The following CTNNA2 variants were observed in gnomAD, a reference collection of about 807,000 sequenced individuals.
CTNNA2 encodes the protein catenin alpha-2.
CTNNA2 carries 42 observed loss-of-function variants against 101.0 expected under a neutral mutation model. The observed-to-expected ratio is 0.42, with a 90% CI of 0.32 to 0.54. CTNNA2 has a LOEUF of 0.54. CTNNA2 is among the 20% of genes least tolerant of loss of function. The probability of loss-of-function intolerance (pLI) is 0.14; values close to 1 mark genes in which losing one functional copy is unlikely to be tolerated. For missense variants in CTNNA2, 871 were observed against 1,223.1 expected, an observed-to-expected ratio of 0.71 and a Z score of 4.29; for synonymous variants, 450 against 456.4, an observed-to-expected ratio of 0.99 and a Z score of 0.18.
chr2:79,258,065 C>T (rs147950085), intron 2 of CTNNA2, among the ~76,000 whole-genome samples: 170 of 152,268 alleles, frequency 1.1e-3, no homozygotes, highest in African/African-American at 3.9e-3. Context: ...CACACTACTC[C>T]AGTATTAATG....
At chr2:79,739,792 A>G (rs1265760309) in intron 2 of CTNNA2, among the ~76,000 whole-genome samples, 2 of 152,246 alleles carry the variant, frequency 1.3e-5, no homozygotes, top group Admixed American at 6.5e-5. Context: ...CCTTTAGATC[A>G]AAATGTGTTC....
intron 5 of CTNNA2, among the ~76,000 whole-genome samples, chr2:79,870,389 A>T (rs1475908856): frequency 6.6e-6 from 1 of 151,946 alleles, no homozygotes; most frequent in Non-Finnish European, 1.5e-5. Context: ...GAAAGAGAAG[A>T]AGAAAACATG....
chr2:80,371,912 T>C (rs1174033242), intron 7 of CTNNA2, among the ~76,000 whole-genome samples: 1 of 152,174 alleles, frequency 6.6e-6, no homozygotes, highest in Admixed American at 6.5e-5. Flanking sequence ...GACTTGATTT[T>C]CACAGAGTGA....
At chr2:79,320,693 G>A (rs562627304) in intron 3 of CTNNA2, among the ~76,000 whole-genome samples, 1 of 152,262 alleles carries the variant, frequency 6.6e-6, no homozygotes, top group East Asian at 1.9e-4. Flanking sequence ...GCTTTGCGCA[G>A]AGGAACTGTG....
At chr2:79,527,474 C>CAAAA (rs58822666) in intron 1 of CTNNA2, among the ~76,000 whole-genome samples, 66 of 85,180 alleles carry the variant, frequency 7.7e-4, no homozygotes, top group East Asian at 3.8e-3. Flanking sequence ...ACTAAAAATA[C>CAAAA]AAAAAAAAAA....
chr2:80,117,990 G>A (rs908715595), intron 7 of CTNNA2, among the ~76,000 whole-genome samples: 1 of 152,158 alleles, frequency 6.6e-6, no homozygotes, highest in Non-Finnish European at 1.5e-5. Flanking sequence ...CGGGAAGGTT[G>A]TTACATAGTC....
intron 12 of CTNNA2, among the ~76,000 whole-genome samples, chr2:80,571,673 T>A (rs1201431730): frequency 1.3e-5 from 2 of 152,204 alleles, no homozygotes; most frequent in Non-Finnish European, 2.9e-5. Context: ...ACTCGAACTT[T>A]GACCTCAGGG....
chr2:79,862,973 A>T (rs1681737363), intron 4 of CTNNA2, among the ~76,000 whole-genome samples: 1 of 152,154 alleles, frequency 6.6e-6, no homozygotes, highest in Admixed American at 6.5e-5. Context: ...AAGCATGACA[A>T]AACCAGGTTT....
At chr2:80,536,309 A>G (rs534284078) in intron 9 of CTNNA2, among the ~76,000 whole-genome samples, 24 of 152,298 alleles carry the variant, frequency 1.6e-4, no homozygotes, top group South Asian at 1.0e-3. Context: ...GTGGTTTTAT[A>G]TGGCCACATG....
At chr2:79,366,393 T>A (rs1171911705) in intron 3 of CTNNA2, among the ~76,000 whole-genome samples, 1 of 152,224 alleles carries the variant, frequency 6.6e-6, no homozygotes, top group African/African-American at 2.4e-5. Flanking sequence ...TGACCTATTT[T>A]TCTGTGTTTG....
At chr2:80,313,750 G>A in intron 7 of CTNNA2, 1 of 907,556 alleles carries the variant, frequency 1.1e-6, no homozygotes, top group Non-Finnish European at 1.7e-6. Context: ...GTGAGTACAA[G>A]GAATATAATT....
intron 7 of CTNNA2, among the ~76,000 whole-genome samples, chr2:80,121,641 G>A (rs1701841272): frequency 6.6e-6 from 1 of 152,104 alleles, no homozygotes; most frequent in African/African-American, 2.4e-5. Flanking sequence ...GGGTTTGTGG[G>A]AAATGGCAAA....
At chr2:80,012,347 G>T (rs1693850624) in intron 7 of CTNNA2, among the ~76,000 whole-genome samples, 2 of 152,170 alleles carry the variant, frequency 1.3e-5, no homozygotes, top group Admixed American at 1.3e-4. Flanking sequence ...ATGAGAGGCT[G>T]ATGAAGAAAG....
intron 2 of CTNNA2, among the ~76,000 whole-genome samples, chr2:79,718,942 A>T (rs1442080884): frequency 6.6e-6 from 1 of 151,710 alleles, no homozygotes; most frequent in East Asian, 1.9e-4. Context: ...TATTTCTGAT[A>T]CAGGGGGTAC....
intron 4 of CTNNA2, among the ~76,000 whole-genome samples, chr2:79,447,461 T>C (rs1678847264): frequency 6.6e-6 from 1 of 152,028 alleles, no homozygotes; most frequent in African/African-American, 2.4e-5. Context: ...AGACAGTGAA[T>C]ACCTAAAGAA....
rs143047801 is a variant in CTNNA2 at position 79,721,089 on chromosome 2, G to A, written c.103-23298G>A. ...TTTTTTAAATCACATCATGCTTCTT[G>A]TTCAGGCGGAAATCTCAACCATTAA... On this transcript the variant is annotated intron_variant, in intron 2 of 18. Coordinates refer to ENST00000402739, the MANE Select transcript of CTNNA2 (RefSeq NM_001282597.3). 1.7e-3 allele frequency among the ~76,000 whole-genome samples: 259 copies of A among 150,256 alleles called. 2 individuals carry two copies. Among genetic ancestry groups the A allele is most frequent in the African/African-American group, 5.8e-3 (236 of 40,826 alleles).
intron 7 of CTNNA2, among the ~76,000 whole-genome samples, chr2:80,076,766 A>G (rs191274363): frequency 4.9e-4 from 74 of 152,288 alleles, no homozygotes; most frequent in Non-Finnish European, 8.8e-4. Flanking sequence ...ATGTTCTAGA[A>G]CTCACAACAA....
At chr2:79,941,504 G>T (rs188853886) in intron 7 of CTNNA2, among the ~76,000 whole-genome samples, 99 of 152,306 alleles carry the variant, frequency 6.5e-4, no homozygotes, top group African/African-American at 2.3e-3. Context: ...TAATGGTATT[G>T]CCCCACAAGT....
chr2:80,013,964 GA>G (rs1279382632), intron 7 of CTNNA2, among the ~76,000 whole-genome samples: 1 of 152,024 alleles, frequency 6.6e-6, no homozygotes, highest in South Asian at 2.1e-4. Context: ...TTTGCAGGAG[GA>G]AAAAATCTGA....
Sources: gnomAD v4.1 joint callset for allele counts (sites outside exome capture counted in the v4.1 genomes callset) on GRCh38, gnomAD v4.1.1 for gene constraint, MANE v1.5 for transcripts, NCBI Gene and HGNC (gene_info 2026-07-23, HGNC 2026-07-21) for gene names.